LINGO2: variants seen among roughly 807,000 people sequenced by gnomAD.
The protein encoded by LINGO2 is leucine rich repeat and Ig domain containing 2, also known as leucine-rich repeat and immunoglobulin-like domain-containing nogo receptor-interacting protein 2.
A neutral mutation model predicts 30.6 loss-of-function variants in LINGO2; 14 were observed. That is an observed-to-expected ratio of 0.46 (90% CI 0.30 to 0.72). The LOEUF (loss-of-function observed/expected upper bound fraction) is 0.72. Among genes scored for constraint, LINGO2 ranks in the 30% least tolerant of loss-of-function variants. The pLI is 0.07. For missense variants in LINGO2, 729 were observed against 751.7 expected, an observed-to-expected ratio of 0.97 and a Z score of 0.35; for synonymous variants, 317 against 288.5, an observed-to-expected ratio of 1.10 and a Z score of -1.00.
intron 4 of LINGO2, among the ~76,000 whole-genome samples, chr9:28,191,946 T>G (rs1819836516): frequency 6.6e-6 from 1 of 152,136 alleles, no homozygotes; most frequent in South Asian, 2.1e-4. Context: ...TCTTAGGGCT[T>G]AAAATAACAT....
chr9:28,305,962 A>G (rs544837763), intron 3 of LINGO2, among the ~76,000 whole-genome samples: 1 of 152,220 alleles, frequency 6.6e-6, no homozygotes, highest in East Asian at 1.9e-4. Flanking sequence ...AAATCATAGA[A>G]AACTCAGAGT....
intron 4 of LINGO2, among the ~76,000 whole-genome samples, chr9:28,088,899 G>T (rs572137962): frequency 2.2e-4 from 34 of 152,042 alleles, no homozygotes; most frequent in Non-Finnish European, 4.4e-5. Flanking sequence ...AACAAAAAAA[G>T]GAAGGGGTTC....
At chr9:28,942,036 T>C in the LINGO2 span, among the ~76,000 whole-genome samples, 5 of 152,140 alleles carry the variant, frequency 3.3e-5, no homozygotes, top group Admixed American at 6.6e-5. Flanking sequence ...ACTCTTCCCT[T>C]TTTTAAACCT....
chr9:28,921,577 A>G, the LINGO2 span, among the ~76,000 whole-genome samples: 1 of 152,204 alleles, frequency 6.6e-6, no homozygotes, highest in Admixed American at 6.6e-5. Flanking sequence ...AGTAAAGTCC[A>G]TCTGAGACTA....
chr9:28,161,862 G>A (rs1041896130), intron 4 of LINGO2, among the ~76,000 whole-genome samples: 6 of 151,964 alleles, frequency 3.9e-5, no homozygotes, highest in African/African-American at 1.4e-4. Context: ...ATTTAATAAT[G>A]CTAGTAAATA....
intron 4 of LINGO2, among the ~76,000 whole-genome samples, chr9:28,167,939 T>C (rs561726202): frequency 1.3e-5 from 2 of 152,328 alleles, no homozygotes; most frequent in African/African-American, 4.8e-5. Context: ...TGAGGAGATG[T>C]GGTTTTGCCA....
intron 1 of LINGO2, among the ~76,000 whole-genome samples, chr9:28,612,543 T>C (rs1433255143): frequency 1.3e-5 from 2 of 152,176 alleles, no homozygotes; most frequent in Non-Finnish European, 2.9e-5. Context: ...GCTTTATGAT[T>C]TGACCATCCC....
chr9:28,042,213 T>C (rs146585118), intron 4 of LINGO2, among the ~76,000 whole-genome samples: 33 of 152,328 alleles, frequency 2.2e-4, no homozygotes, highest in Middle Eastern at 3.4e-3. Flanking sequence ...TTTAAAACTC[T>C]GGTTCATTTA....
the LINGO2 span, among the ~76,000 whole-genome samples, chr9:28,676,622 T>C: frequency 6.6e-6 from 1 of 152,118 alleles, no homozygotes; most frequent in East Asian, 1.9e-4. Context: ...AAACATGTGT[T>C]GTTGGTGGTG....
At chr9:28,193,154 A>T (rs1330210656) in intron 4 of LINGO2, among the ~76,000 whole-genome samples, 2 of 152,114 alleles carry the variant, frequency 1.3e-5, no homozygotes, top group Admixed American at 6.6e-5. Flanking sequence ...GAATTTTTTT[A>T]TGTTATAGCT....
the LINGO2 span, among the ~76,000 whole-genome samples, chr9:29,157,809 A>C: frequency 6.6e-6 from 1 of 152,114 alleles, no homozygotes; most frequent in Non-Finnish European, 1.5e-5. Context: ...CAAATTTTGA[A>C]TATGCGGTAA....
At chr9:28,811,187 TTC>T in the LINGO2 span, among the ~76,000 whole-genome samples, 1 of 152,126 alleles carries the variant, frequency 6.6e-6, no homozygotes, top group Non-Finnish European at 1.5e-5. Flanking sequence ...TTCTTCGTTC[TTC>T]TCTTTCTCCC....
chr9:29,129,616 T>C, the LINGO2 span, among the ~76,000 whole-genome samples: 1 of 152,068 alleles, frequency 6.6e-6, no homozygotes, highest in Non-Finnish European at 1.5e-5. Context: ...GTATTTGAAA[T>C]GTGCCAAAAA....
intron 3 of LINGO2, among the ~76,000 whole-genome samples, chr9:28,301,462 G>T (rs1824140157): frequency 6.6e-6 from 1 of 152,102 alleles, no homozygotes; most frequent in Non-Finnish European, 1.5e-5. Flanking sequence ...TTATGAGAGT[G>T]TTGTTGATAA....
At chr9:28,082,583 A>T (rs778258040) in intron 4 of LINGO2, among the ~76,000 whole-genome samples, 9 of 152,184 alleles carry the variant, frequency 5.9e-5, no homozygotes, top group Non-Finnish European at 2.9e-5. Flanking sequence ...AAATGGACAA[A>T]TACTAGAGGC....
chr9:28,129,874 A>C lies in LINGO2; in HGVS notation c.-86-117469T>G, dbSNP rs113949547. ...TTGGAAAATAAAGAAACATGCATAG[A>C]AAAAATATGTTGTTCTTTTTATAGA... On this transcript the variant is annotated intron_variant, in intron 4 of 5. Transcript: ENST00000379992. This position sits in a 1 kb window ranked among gnomAD's most constrained non-coding sequence, Gnocchi z 4.0. 6.6e-6 allele frequency among the ~76,000 whole-genome samples: 1 copy of C among 152,336 alleles called. No homozygotes were observed. The highest frequency in any genetic ancestry group is 1.5e-5 in the Non-Finnish European group (1 of 68,016).
chr9:29,005,340 A>G, the LINGO2 span, among the ~76,000 whole-genome samples: 2 of 151,920 alleles, frequency 1.3e-5, no homozygotes, highest in Admixed American at 1.3e-4. Context: ...CACACACAAC[A>G]TATGGGAAAA....
intron 5 of LINGO2, among the ~76,000 whole-genome samples, chr9:27,986,359 T>G (rs948836195): frequency 3.3e-5 from 5 of 151,474 alleles, no homozygotes; most frequent in African/African-American, 1.2e-4. Flanking sequence ...AGGGACTGAG[T>G]ACTTTTGAAA....
At chr9:29,106,568 C>T in the LINGO2 span, among the ~76,000 whole-genome samples, 35,869 of 151,988 alleles carry the variant, frequency 0.24, 4,368 homozygotes, top group East Asian at 0.4. Flanking sequence ...TGCAGAGACA[C>T]TGTCAAGCAC....
Sources: allele counts gnomAD v4.1 joint callset (sites outside exome capture counted in the v4.1 genomes callset), GRCh38; gene constraint gnomAD v4.1.1; non-coding constraint Gnocchi (gnomAD v3.1); transcripts MANE v1.5; gene names NCBI Gene and HGNC (gene_info 2026-07-23, HGNC 2026-07-21).